The following FER1L6 variants were observed in gnomAD, a reference collection of about 807,000 sequenced individuals.
FER1L6 encodes fer-1-like protein 6.
A neutral mutation model predicts 219.2 loss-of-function variants in FER1L6; 177 were observed. The observed-to-expected ratio is 0.81, with a 90% confidence interval of 0.71 to 0.91. The LOEUF is 0.91. FER1L6 is among the 40% of genes least tolerant of loss of function. FER1L6 has a pLI of 0.00. For synonymous variants in FER1L6, 768 were observed against 824.3 expected, an observed-to-expected ratio of 0.93 and a Z score of 1.17; for missense variants, 2,153 against 2,259.9, an observed-to-expected ratio of 0.95 and a Z score of 0.96.
intron 1 of FER1L6, among the ~76,000 whole-genome samples, chr8:123,951,084 G>T (rs1249163123): frequency 6.6e-6 from 1 of 152,224 alleles, no homozygotes; most frequent in Admixed American, 6.5e-5. Context: ...TTTTGGTTAA[G>T]AAATTATTTT....
chr8:124,064,717 G>A (rs989626481), intron 26 of FER1L6, 144 bp downstream of exon 26: 6 of 741,760 alleles, frequency 8.1e-6, no homozygotes, highest in Admixed American at 6.1e-5. Flanking sequence ...GTAAAATGAG[G>A]ATACTGTTAC....
intron 24 of FER1L6, 126 bp from the exon 25 acceptor site, chr8:124,061,726 T>C (rs1456731971): frequency 3.5e-6 from 3 of 856,900 alleles, no homozygotes; most frequent in Non-Finnish European, 3.7e-6. Context: ...TTTGGCAATC[T>C]GCAGGACTGG....
Position 123,853,846 on chromosome 8 carries a change from T to C in FER1L6, c.-8+1661T>C, listed in dbSNP as rs1816574945. Among the ~76,000 whole-genome samples the C allele has an allele frequency of 6.6e-6, 1 of 152,192 alleles. No individual in the cohort carries two copies. ...CGCGGCCTTGATGAAGCCACAGTGATGCTACCCAGGGACTCTGCAGAGCTG... is the reference window on the plus strand; with the variant it reads ...CGCGGCCTTGATGAAGCCACAGTGACGCTACCCAGGGACTCTGCAGAGCTG... On this transcript the variant is annotated intron_variant, in intron 1 of 40. Transcript: ENST00000522917. The surrounding 1 kb of genome is among the most constrained non-coding windows in gnomAD (Gnocchi z 6.6).
intron 20 of FER1L6, among the ~76,000 whole-genome samples, chr8:124,042,419 C>T (rs919541373): frequency 6.6e-6 from 1 of 152,238 alleles, no homozygotes; most frequent in African/African-American, 2.4e-5. Context: ...CTACATCTCA[C>T]TGCAGCCCAA....
intron 26 of FER1L6, among the ~76,000 whole-genome samples, chr8:124,066,162 G>A (rs1357619337): frequency 1.3e-5 from 2 of 152,198 alleles, no homozygotes; most frequent in African/African-American, 2.4e-5. Flanking sequence ...GAGTAGGATT[G>A]TGTCTAATTC....
At chr8:123,855,839 G>T (rs1816628413) in intron 1 of FER1L6, among the ~76,000 whole-genome samples, 1 of 147,556 alleles carries the variant, frequency 6.8e-6, no homozygotes, top group South Asian at 2.1e-4. Flanking sequence ...CTGGTCATAT[G>T]GGCCAGCCCC....
At chr8:123,931,727 A>G (rs1408220456) in intron 1 of FER1L6, among the ~76,000 whole-genome samples, 2 of 152,224 alleles carry the variant, frequency 1.3e-5, no homozygotes, top group Non-Finnish European at 2.9e-5. Flanking sequence ...ATTATGTGCT[A>G]TCAAATATTG....
At chr8:124,054,845 G>A (rs886573051) in intron 22 of FER1L6, among the ~76,000 whole-genome samples, 1 of 152,154 alleles carries the variant, frequency 6.6e-6, no homozygotes, top group Non-Finnish European at 1.5e-5. Context: ...GGGAGAGATG[G>A]GAAACCAAGA....
chr8:124,109,076 G>T (rs1822903799), intron 39 of FER1L6, among the ~76,000 whole-genome samples: 1 of 152,154 alleles, frequency 6.6e-6, no homozygotes, highest in South Asian at 2.1e-4. Context: ...AAAAATTCAG[G>T]ATATGGACAC....
intron 20 of FER1L6, 86 bp downstream of exon 20, chr8:124,040,092 C>T (rs1819417281): frequency 1.9e-6 from 3 of 1,554,646 alleles, no homozygotes; most frequent in Admixed American, 1.7e-5. Context: ...ACAACGGGGG[C>T]ATGTTGCAAA....
At chr8:124,072,998 G>A (rs1167750363) in intron 31 of FER1L6, among the ~76,000 whole-genome samples, 3 of 152,188 alleles carry the variant, frequency 2.0e-5, no homozygotes, top group Non-Finnish European at 4.4e-5. Context: ...GAGAATTTCA[G>A]AAGCAAACAA....
intron 13 of FER1L6, among the ~76,000 whole-genome samples, chr8:124,007,755 T>A (rs1817730691): frequency 6.6e-6 from 1 of 151,974 alleles, no homozygotes; most frequent in Admixed American, 6.6e-5. Flanking sequence ...AAATATCAGA[T>A]GGATGGATGG....
chr8:124,004,115 C>CAAAAAAAAAAAAAAAA (rs80310802), intron 13 of FER1L6: 4 of 78,454 alleles, frequency 5.1e-5, no homozygotes, highest in Non-Finnish European at 1.0e-4. Context: ...CTGAAAGACT[C>CAAAAAAAAAAAAAAAA]AAAAAAAAAA....
In FER1L6 at chr8:124,070,583, CAT is replaced by C. The variant is rs773793933; in HGVS notation, c.3953_3954del (p.Ile1318ArgfsTer4). 149 of 1,587,120 alleles carry C rather than the reference CAT, an allele frequency of 9.4e-5. No individual in the cohort carries two copies. In the East Asian group the frequency reaches 3.3e-3, roughly 35 times the overall value. Reference protein sequence around the residue: ...DDHGLDGDRVIGKFKGSFCIY... With the variant: ...DDHGLDGDRVXGKFKGSFCIY... ...ACCATGGTCTTGATGGAGACCGAGTCATAGGAAAATTTAAGGCAGGTTCCATT... is the reference window on the plus strand; with the variant it reads ...ACCATGGTCTTGATGGAGACCGAGTCAGGAAAATTTAAGGCAGGTTCCATT... On this transcript the variant is annotated frameshift_variant, in exon 30 of 41. Transcript: ENST00000522917. LOFTEE classifies it high-confidence loss of function.
chr8:123,872,492 A>G (rs1816941828), intron 1 of FER1L6, among the ~76,000 whole-genome samples: 1 of 152,198 alleles, frequency 6.6e-6, no homozygotes, highest in Non-Finnish European at 1.5e-5. Context: ...CCTAGATGGG[A>G]TGCTGGAGCG....
chr8:123,936,111 A>G (rs1273577676), intron 1 of FER1L6, among the ~76,000 whole-genome samples: 2 of 152,120 alleles, frequency 1.3e-5, no homozygotes, highest in African/African-American at 4.8e-5. Flanking sequence ...TGGGAAGAAA[A>G]ATAACCTCTC....
At chr8:123,869,644 T>C (rs1414174574) in intron 1 of FER1L6, among the ~76,000 whole-genome samples, 2 of 152,176 alleles carry the variant, frequency 1.3e-5, no homozygotes, top group Non-Finnish European at 2.9e-5. Context: ...TTTAATAAAA[T>C]CTCAGTTTAA....
At chr8:124,014,910 G>A (rs77890906) in intron 15 of FER1L6, among the ~76,000 whole-genome samples, 100 of 152,252 alleles carry the variant, frequency 6.6e-4, no homozygotes, top group African/African-American at 2.3e-3. Context: ...CTCCCTGGCT[G>A]CAGTCATATC....
intron 12 of FER1L6, among the ~76,000 whole-genome samples, chr8:123,993,027 T>A (rs1291292233): frequency 6.6e-6 from 1 of 152,230 alleles, no homozygotes; most frequent in East Asian, 1.9e-4. Context: ...GGAATTGATA[T>A]CTAGTTTTAT....
Sources: gnomAD v4.1 joint callset for allele counts (sites outside exome capture counted in the v4.1 genomes callset) on GRCh38, gnomAD v4.1.1 for gene constraint, Gnocchi (gnomAD v3.1) non-coding constraint, MANE v1.5 for transcripts, NCBI Gene and HGNC (gene_info 2026-07-23, HGNC 2026-07-21) for gene names.